Variants in RPL26 observed in about 807,000 individuals in gnomAD.
RPL26 encodes the protein large ribosomal subunit protein uL24.
Under a neutral mutation model 16.2 loss-of-function variants are expected in RPL26, and 1 was observed. The ratio of observed to expected loss-of-function variants is 0.06; its 90% CI spans 0.02 to 0.29. The LOEUF is 0.29. RPL26 is among the 10% of genes least tolerant of loss of function. RPL26 has a pLI of 1.00. For synonymous variants in RPL26, 55 were observed against 62.4 expected (o/e 0.88, Z 0.56); for missense variants, 102 against 184.3 (o/e 0.55, Z 2.58).
chr17:8,380,694 T>C (rs1263667147), intron 2 of RPL26: 1 of 152,210 alleles, frequency 6.6e-6, no homozygotes, highest in African/African-American at 2.4e-5. Flanking sequence ...TGACCAAACA[T>C]TGAAACCTCC....
rs367838262 is a variant in RPL26, at chr17:8,379,874, T to C, written c.231A>G (p.Lys77=). Residue 77 remains lysine, a synonymous_variant, in exon 3 of 4, where the codon AAA becomes AAG. Transcript: ENST00000648839. ...IGKVVQVYRK[K]YVIYIERVQR... is the part of the protein sequence containing the mutation. ...GCACCCGTTCAATGTAGATAACATA[T>C]TTCTTCCTGTAAACCTGGACTACTT... 6.2e-7 allele frequency: 1 copy of C among 1,613,770 alleles called. No homozygotes were observed. Among genetic ancestry groups the C allele is most frequent in the East Asian group, 2.2e-5 (1 of 44,890 alleles).
In RPL26 at chr17:8,382,952, G is replaced by T. The variant is rs867282514; in HGVS notation, c.-6+205C>A. 7.5e-6 allele frequency: 3 copies of T among 398,000 alleles called. No individual in the cohort carries two copies. In the South Asian group the frequency reaches 3.9e-4, roughly 52 times the overall value. The allele number at this position is 398,000 out of a possible 1,614,324, so 24.7% of individuals were successfully genotyped here. On this transcript the variant is annotated intron_variant, in intron 1 of 3. Transcript: ENST00000648839. ...GGCTCCCTTCCCTCAGCTCGTTTTCGAGTTCCCAAATCCCCGGTCCCTCCA... is the reference window on the plus strand; with the variant it reads ...GGCTCCCTTCCCTCAGCTCGTTTTCTAGTTCCCAAATCCCCGGTCCCTCCA...
chr17:8,377,782 C>A, intron 3 of RPL26, 90 bp from the exon 4 acceptor site: 1 of 1,256,236 alleles, frequency 8.0e-7, no homozygotes, highest in Non-Finnish European at 1.1e-6. Context: ...ATTTCCCAAA[C>A]CTGGGGTAGG....
intron 1 of RPL26, 116 bp from the exon 2 acceptor site, chr17:8,382,431 G>C: frequency 2.7e-6 from 2 of 727,948 alleles, no homozygotes; most frequent in Middle Eastern, 5.0e-4. Context: ...GTGTCATGTT[G>C]TGCAACTTCA....
At position 8,379,388 on chromosome 17, in the gene RPL26, A is replaced by C. The variant is rs1031519601; in HGVS notation, c.309+408T>G. The C allele has an allele frequency of 2.1e-5, 4 of 189,352 alleles. 1 individual carries two copies. The highest frequency in any genetic ancestry group is 5.5e-5 in the Admixed American group (1 of 18,192). 11.7% of individuals were successfully genotyped at this position (189,352 alleles called of 1,614,324 possible). On this transcript the variant is annotated intron_variant, in intron 3 of 3. Transcript: ENST00000648839. Reference sequence around the variant, plus strand: ...TCAGGAGTTCAAGACCAGCCTGGCCAACATGGTGAAACTTTGTACTAAGAA... The same window carrying C: ...TCAGGAGTTCAAGACCAGCCTGGCCCACATGGTGAAACTTTGTACTAAGAA...
rs1477865909 is a variant in RPL26 at position 8,382,179 on chromosome 17, C to T, written c.132G>A (p.Val44=). The T allele has an allele frequency of 1.2e-6, 2 of 1,613,718 alleles. No homozygotes were observed. The highest frequency in any genetic ancestry group is 1.1e-5 in the South Asian group (1 of 91,066). The change falls in exon 2 of 4, where the codon GTG becomes GTA. Residue 44 remains valine, a synonymous_variant. Coordinates refer to ENST00000648839, the MANE Select transcript of RPL26 (RefSeq NM_000987.5). ...LSKELRQKYN[V]RSMPIRKDDE... is the part of the protein sequence containing the mutation. The stretch of plus-strand genomic sequence containing the variant: ...CATCCTTTCGGATGGGCATGGATCG[C>T]ACGTTGTACTTCTGTCTCAGCTCTT...
intron 1 of RPL26, 51 bp downstream of exon 1, chr17:8,383,106 C>T (rs73237215): frequency 1.6e-4 from 62 of 398,678 alleles, no homozygotes; most frequent in African/African-American, 1.2e-3. Flanking sequence ...AGCCACCATG[C>T]CCAAGAACGG....
chr17:8,377,952 T>A (rs543894594), intron 3 of RPL26, among the ~76,000 whole-genome samples: 1 of 152,228 alleles, frequency 6.6e-6, no homozygotes, highest in Non-Finnish European at 1.5e-5. Context: ...ATTATAAGAT[T>A]TGTTTCTTTT....
rs114209290 is a variant in RPL26, at chr17:8,381,525, A to G, written c.168+618T>C. ...GGAGTTGGAGACCAATCTGGGCAGT[A>G]AAGTGAGACCCCTCTCTACAGAAAC... is the stretch of plus-strand genomic sequence containing the variant. On this transcript the variant is annotated intron_variant, in intron 2 of 3. Transcript: ENST00000648839. 2.6e-3 allele frequency among the ~76,000 whole-genome samples: 393 copies of G among 152,318 alleles called. 2 individuals are homozygous for G. Among genetic ancestry groups the G allele is most frequent in the African/African-American group, 9.1e-3 (380 of 41,562 alleles).
intron 2 of RPL26, chr17:8,380,480 T>C (rs1371667293): frequency 6.5e-6 from 1 of 153,364 alleles, no homozygotes; most frequent in Non-Finnish European, 1.5e-5. Context: ...TGTATGTAAA[T>C]GGCTTTAGAG....
At chr17:8,380,003 ACT>A (rs1907338433) in intron 2 of RPL26, 67 bp from the exon 3 acceptor site, 2 of 1,287,368 alleles carry the variant, frequency 1.6e-6, no homozygotes, top group Non-Finnish European at 2.2e-6. Flanking sequence ...AAGTAAACAA[ACT>A]CATGCATACA....
chr17:8,382,063 T>A (rs1907442625), intron 2 of RPL26, 80 bp downstream of exon 2: 6 of 1,281,692 alleles, frequency 4.7e-6, no homozygotes, highest in Non-Finnish European at 6.7e-6. Context: ...AGAAGCATCT[T>A]TCTCAGGAAT....
intron 1 of RPL26, chr17:8,382,633 A>G (rs915088160): frequency 3.2e-5 from 11 of 347,632 alleles, no homozygotes; most frequent in Non-Finnish European, 5.8e-5. Flanking sequence ...TCAAGACTGG[A>G]CTTACATCTC....
chr17:8,381,433 TTA>T (rs1907403796), intron 2 of RPL26: 1 of 152,258 alleles, frequency 6.6e-6, no homozygotes, highest in Admixed American at 6.5e-5. Flanking sequence ...AATGTTCTGA[TTA>T]TGTCACCTAA....
chr17:8,378,681 A>C (rs1182914480), intron 3 of RPL26, among the ~76,000 whole-genome samples: 1 of 152,242 alleles, frequency 6.6e-6, no homozygotes, highest in African/African-American at 2.4e-5. Context: ...TTTTAGTCTT[A>C]TGAATGCGAG....
chr17:8,381,827 G>A (rs1907427881), intron 2 of RPL26: 1 of 245,774 alleles, frequency 4.1e-6, no homozygotes, highest in Non-Finnish European at 7.9e-6. Context: ...TACTCGGGAG[G>A]CTGAGGCAGG....
At chr17:8,378,731 C>T (rs1597494085) in intron 3 of RPL26, among the ~76,000 whole-genome samples, 1 of 152,070 alleles carries the variant, frequency 6.6e-6, no homozygotes, top group African/African-American at 2.4e-5. Context: ...AGCATGCAGA[C>T]CAAACAAAAA....
chr17:8,377,850 GC>G (rs1907220479), intron 3 of RPL26, 158 bp from the exon 4 acceptor site: 1 of 602,060 alleles, frequency 1.7e-6, no homozygotes, highest in African/African-American at 1.8e-5. Context: ...TCACTCTTTA[GC>G]CATCAAACCT....
intron 1 of RPL26, chr17:8,382,765 GC>G: frequency 2.9e-6 from 1 of 343,682 alleles, no homozygotes; most frequent in East Asian, 4.4e-5. Context: ...AATGAATAAG[GC>G]CCACCAACCC....
Sources: allele counts gnomAD v4.1 joint callset (sites outside exome capture counted in the v4.1 genomes callset), GRCh38; gene constraint gnomAD v4.1.1; transcripts MANE v1.5; gene names NCBI Gene and HGNC (gene_info 2026-07-23, HGNC 2026-07-21).